Variants in ARMC9 observed in about 807,000 individuals in gnomAD.
ARMC9 encodes armadillo repeat containing 9.
ARMC9 carries 94 observed loss-of-function variants against 107.0 expected under a neutral mutation model. The observed-to-expected ratio is 0.88, with a 90% CI of 0.74 to 1.04. The LOEUF (loss-of-function observed/expected upper bound fraction) is 1.04, where lower values mean the gene tolerates loss of function less well. Among genes scored for constraint, ARMC9 ranks in the 50% least tolerant of loss-of-function variants. The probability of loss-of-function intolerance (pLI) is 0.00; values close to 1 mark genes in which losing one functional copy is unlikely to be tolerated. For synonymous variants in ARMC9, 380 were observed against 396.9 expected, an observed-to-expected ratio of 0.96 and a Z score of 0.51; for missense variants, 942 against 1,030.1, an observed-to-expected ratio of 0.91 and a Z score of 1.17.
chr2:231,360,292 A>G lies in ARMC9; in HGVS notation c.2132-462A>G, dbSNP rs2045516276. Among the ~76,000 whole-genome samples the G allele has an allele frequency of 6.6e-6, 1 of 152,138 alleles. No homozygotes were observed. The highest frequency in any genetic ancestry group is 1.5e-5 in the Non-Finnish European group (1 of 68,014). On this transcript the variant is annotated intron_variant, in intron 22 of 24. Coordinates refer to ENST00000611582, the MANE Select transcript of ARMC9 (RefSeq NM_001352754.2). This position sits in a 1 kb window ranked among gnomAD's most constrained non-coding sequence, Gnocchi z 4.7. Reference sequence around the variant, plus strand: ...CCCTGGGTGTACCGAGTGGTTCAGCATTAAGGAGCCTTGGGCTGCTCGGTG... The same window carrying G: ...CCCTGGGTGTACCGAGTGGTTCAGCGTTAAGGAGCCTTGGGCTGCTCGGTG...
chr2:231,347,065 G>A (rs2044845579), intron 21 of ARMC9, among the ~76,000 whole-genome samples: 1 of 152,180 alleles, frequency 6.6e-6, no homozygotes, highest in African/African-American at 2.4e-5. Flanking sequence ...GCTAACCAGT[G>A]GGCACAGTTA....
At chr2:231,344,414 T>C (rs1254292693) in intron 20 of ARMC9, among the ~76,000 whole-genome samples, 2 of 152,250 alleles carry the variant, frequency 1.3e-5, no homozygotes, top group Admixed American at 1.3e-4. Context: ...TTCTACTTAC[T>C]AGTAATACTT....
At chr2:231,289,147 A>G (rs1339490158) in intron 17 of ARMC9, among the ~76,000 whole-genome samples, 1 of 152,196 alleles carries the variant, frequency 6.6e-6, no homozygotes, top group African/African-American at 2.4e-5. Flanking sequence ...ATCAAATATT[A>G]CCTAATATAT....
At chr2:231,219,413 A>G (rs2125328508) in intron 5 of ARMC9, among the ~76,000 whole-genome samples, 1 of 152,316 alleles carries the variant, frequency 6.6e-6, no homozygotes. Context: ...AGATAGGATT[A>G]GAATACTAGG....
chr2:231,263,950 C>T (rs951760983), intron 12 of ARMC9, among the ~76,000 whole-genome samples: 2 of 152,128 alleles, frequency 1.3e-5, no homozygotes, highest in Non-Finnish European at 2.9e-5. Flanking sequence ...CTTTTTCCCC[C>T]CATTTTAACA....
chr2:231,227,876 C>T (rs779075282), intron 7 of ARMC9, among the ~76,000 whole-genome samples: 58 of 152,226 alleles, frequency 3.8e-4, no homozygotes, highest in Non-Finnish European at 5.9e-4. Context: ...CATGCTGACC[C>T]TTCTGTCGCT....
At chr2:231,220,632 C>T (rs1047207635) in intron 5 of ARMC9, among the ~76,000 whole-genome samples, 2 of 151,070 alleles carry the variant, frequency 1.3e-5, no homozygotes, top group African/African-American at 4.9e-5. Context: ...TCCTTGGCTT[C>T]CTAGCTCTAA....
chr2:231,326,982 C>T (rs1258264632), intron 19 of ARMC9, among the ~76,000 whole-genome samples: 2 of 152,194 alleles, frequency 1.3e-5, no homozygotes, highest in Non-Finnish European at 2.9e-5. Flanking sequence ...TGCCCTCCCC[C>T]TGCACCCTTA....
chr2:231,300,487 G>A (rs554825523), intron 19 of ARMC9, among the ~76,000 whole-genome samples: 3 of 152,320 alleles, frequency 2.0e-5, no homozygotes, highest in Non-Finnish European at 4.4e-5. Flanking sequence ...AGCAGCTCCC[G>A]CCTGCTGGCA....
At chr2:231,264,147 T>C (rs1034096777) in intron 12 of ARMC9, among the ~76,000 whole-genome samples, 1 of 152,220 alleles carries the variant, frequency 6.6e-6, no homozygotes, top group Non-Finnish European at 1.5e-5. Context: ...GAGTAATTTC[T>C]TCCTCAAGTC....
intron 19 of ARMC9, among the ~76,000 whole-genome samples, chr2:231,315,275 A>G (rs1358717928): frequency 1.4e-5 from 2 of 145,632 alleles, no homozygotes; most frequent in Admixed American, 6.9e-5. Context: ...GCAGTAGCTC[A>G]TGCTTGTAAT....
At chr2:231,341,689 A>AT (rs1006790367) in intron 20 of ARMC9, among the ~76,000 whole-genome samples, 2 of 147,816 alleles carry the variant, frequency 1.4e-5, no homozygotes, top group Non-Finnish European at 3.0e-5. Flanking sequence ...GTATACCTGT[A>AT]TTTTTTTACA....
intron 1 of ARMC9, among the ~76,000 whole-genome samples, chr2:231,202,001 T>C (rs1409907400): frequency 7.9e-6 from 1 of 127,358 alleles, no homozygotes; most frequent in Admixed American, 7.5e-5. Context: ...TTTTCTTTCT[T>C]TCTTTTTTTT....
intron 14 of ARMC9, among the ~76,000 whole-genome samples, chr2:231,274,549 C>T (rs986058382): frequency 1.3e-4 from 20 of 152,148 alleles, no homozygotes; most frequent in Non-Finnish European, 2.5e-4. Flanking sequence ...TCTCGTGGAT[C>T]GGCATCTAGG....
At chr2:231,364,691 G>A (rs1030792511) in intron 23 of ARMC9, among the ~76,000 whole-genome samples, 2 of 152,080 alleles carry the variant, frequency 1.3e-5, no homozygotes, top group African/African-American at 4.8e-5. Flanking sequence ...CCAGCTACTC[G>A]GGAAGCTGAG....
intron 11 of ARMC9, among the ~76,000 whole-genome samples, chr2:231,260,193 A>T (rs1044273072): frequency 6.6e-6 from 1 of 152,202 alleles, no homozygotes; most frequent in African/African-American, 2.4e-5. Context: ...AGACAGCTGG[A>T]TTCTCATATC....
At chr2:231,256,737 G>C in intron 10 of ARMC9, 117 bp downstream of exon 10, 6 of 1,055,898 alleles carry the variant, frequency 5.7e-6, no homozygotes, top group East Asian at 2.4e-5. Flanking sequence ...CTTTGAGCTA[G>C]AGCTACATGT....
At chr2:231,363,173 T>C (rs2045662536) in intron 23 of ARMC9, among the ~76,000 whole-genome samples, 1 of 152,248 alleles carries the variant, frequency 6.6e-6, no homozygotes, top group Non-Finnish European at 1.5e-5. Context: ...AGGGCATCTG[T>C]GCTGTGCTTC....
chr2:231,217,944 C>T (rs866983567), intron 5 of ARMC9, among the ~76,000 whole-genome samples: 4 of 152,094 alleles, frequency 2.6e-5, no homozygotes, highest in African/African-American at 4.8e-5. Context: ...CCACCTGCCT[C>T]GGCCTCCCAA....
Sources: allele counts gnomAD v4.1 joint callset (sites outside exome capture counted in the v4.1 genomes callset), GRCh38; gene constraint gnomAD v4.1.1; non-coding constraint Gnocchi (gnomAD v3.1); transcripts MANE v1.5; gene names NCBI Gene and HGNC (gene_info 2026-07-23, HGNC 2026-07-21).